Variants in PLCH2 observed in about 807,000 individuals in gnomAD.
PLCH2 encodes 1-phosphatidylinositol 4,5-bisphosphate phosphodiesterase eta-2.
Under a neutral mutation model 134.7 loss-of-function variants are expected in PLCH2, and 98 were observed. That is an observed-to-expected ratio of 0.73 (90% CI 0.62 to 0.86). The LOEUF (loss-of-function observed/expected upper bound fraction) is 0.86, where lower values mean the gene tolerates loss of function less well. PLCH2 is among the 40% of genes least tolerant of loss of function. The pLI, the probability that PLCH2 is intolerant of heterozygous loss-of-function variation, is 0.00. For synonymous variants in PLCH2, 974 were observed against 827.5 expected (o/e 1.18, Z -3.04); for missense variants, 1,994 against 1,986.6 (o/e 1.00, Z -0.07).
chr1:2,419,908 C>T, the PLCH2 span, among the ~76,000 whole-genome samples: 1 of 152,048 alleles, frequency 6.6e-6, no homozygotes, highest in African/African-American at 2.4e-5. Flanking sequence ...ACTGCTGCAC[C>T]TGCTGCCCGT....
rs138457007 is a variant in PLCH2, at chr1:2,448,965, G to A, written c.115+18336G>A. Among the ~76,000 whole-genome samples the A allele has an allele frequency of 2.0e-5, 3 of 152,310 alleles. No individual in the cohort carries two copies. Among genetic ancestry groups the A allele is most frequent in the South Asian group, 2.1e-4 (1 of 4,822 alleles). ...TTGTACGTGGCTCCTTTGCTGGCGC[G>A]GGGAAAGGGCCGTGGGCTTGGGCCC... is the stretch of plus-strand genomic sequence containing the variant. On this transcript the variant is annotated intron_variant, in intron 2 of 3. Coordinates refer to the PLCH2 transcript ENST00000609981. This position sits in a 1 kb window ranked among gnomAD's most constrained non-coding sequence, Gnocchi z 4.0.
rs1216874723 is a variant in PLCH2, at chr1:2,447,299, C to T, written c.115+16670C>T. 2.6e-5 allele frequency among the ~76,000 whole-genome samples: 4 copies of T among 152,314 alleles called. No homozygotes were observed. In the East Asian group the frequency reaches 7.7e-4, roughly 29 times the overall value. On this transcript the variant is annotated intron_variant, in intron 2 of 3. Coordinates refer to the PLCH2 transcript ENST00000609981. The stretch of plus-strand genomic sequence containing the variant: ...CATTTGCTCACCTCACCCGCATCCT[C>T]CAGGACCACTCTGCCTTCAGCTCCT...
chr1:2,437,521 G>A (rs762420370), intron 2 of PLCH2, among the ~76,000 whole-genome samples: 2 of 151,756 alleles, frequency 1.3e-5, no homozygotes, highest in African/African-American at 4.9e-5. Context: ...CCCACCATCC[G>A]ACTCAGCCTG....
chr1:2,449,342 T>C (rs1017649080), intron 2 of PLCH2, among the ~76,000 whole-genome samples: 1 of 151,956 alleles, frequency 6.6e-6, no homozygotes, highest in East Asian at 1.9e-4. Context: ...AATACAAAAA[T>C]TTATCTGTGT....
Position 2,502,395 on chromosome 1 carries a change from G to C in PLCH2, c.2945G>C (p.Ser982Thr), listed in dbSNP as rs1327266091. The stretch of plus-strand genomic sequence containing the variant: ...GCCCCAGCCCAGGAGGGGCCCGGCA[G>C]CGGCAGCCCCCGAGGTAAGGCGCCA... Reference protein sequence around the residue: ...PEAPAQEGPGSGSPRDTRPLS... With the variant: ...PEAPAQEGPGTGSPRDTRPLS... The change falls in exon 21 of 22, where the codon AGC (serine) becomes ACC (threonine). Residue 982 changes from serine to threonine, a missense_variant. Physicochemically the swap from Ser to Thr is moderately conservative, Grantham distance 58. Coordinates refer to ENST00000378486, the MANE Select transcript of PLCH2 (RefSeq NM_014638.4). 2.6e-6 allele frequency: 4 copies of C among 1,543,684 alleles called. No homozygotes were observed. The highest frequency in any genetic ancestry group is 2.6e-6 in the Non-Finnish European group (3 of 1,145,650).
chr1:2,441,327 G>A (rs149731029), intron 2 of PLCH2, among the ~76,000 whole-genome samples: 12 of 152,354 alleles, frequency 7.9e-5, no homozygotes, highest in African/African-American at 2.2e-4. Context: ...AGCAGGCGTC[G>A]CATCCGGCCT....
At chr1:2,464,968 G>A (rs1640988047), upstream of PLCH2, among the ~76,000 whole-genome samples, 1 of 152,206 alleles carries the variant, frequency 6.6e-6, no homozygotes, top group African/African-American at 2.4e-5. Flanking sequence ...CTGAGGCTGG[G>A]CTTGGTGTCA....
chr1:2,466,580 G>A (rs1232729858), upstream of PLCH2, among the ~76,000 whole-genome samples: 1 of 152,246 alleles, frequency 6.6e-6, no homozygotes, highest in African/African-American at 2.4e-5. Flanking sequence ...TCCTGCCCGG[G>A]CCTGCGTGCC....
At chr1:2,459,908 C>T (rs571770908) in intron 2 of PLCH2, among the ~76,000 whole-genome samples, 10 of 152,374 alleles carry the variant, frequency 6.6e-5, no homozygotes, top group East Asian at 5.8e-4. Flanking sequence ...TCCTTGGCAC[C>T]GTGAGGGGCC....
intron 1 of PLCH2, 132 bp downstream of exon 1, chr1:2,476,844 C>A: frequency 1.0e-6 from 1 of 977,814 alleles, no homozygotes; most frequent in Non-Finnish European, 1.4e-6. Context: ...CCCTGTCCCC[C>A]GGGTGCTCTA....
At chr1:2,491,422 C>G in intron 11 of PLCH2, 87 bp downstream of exon 11, 2 of 1,390,924 alleles carry the variant, frequency 1.4e-6, no homozygotes, top group Non-Finnish European at 2.0e-6. Context: ...CGAACGTATG[C>G]TCTGTGCGCA....
upstream of PLCH2, among the ~76,000 whole-genome samples, chr1:2,423,169 T>TTTTG (rs141556777): frequency 1.5e-4 from 22 of 151,576 alleles, no homozygotes; most frequent in Non-Finnish European, 7.4e-5. Flanking sequence ...TATTTAGTTT[T>TTTTG]TTTGTTTGTT....
chr1:2,427,605 C>T (rs934250183), intron 1 of PLCH2, among the ~76,000 whole-genome samples: 1 of 152,174 alleles, frequency 6.6e-6, no homozygotes, highest in Non-Finnish European at 1.5e-5. Context: ...GGGTGTGGCA[C>T]CCCACTTCCT....
At chr1:2,454,897 C>A (rs1286873040) in intron 2 of PLCH2, among the ~76,000 whole-genome samples, 2 of 152,156 alleles carry the variant, frequency 1.3e-5, no homozygotes, top group Non-Finnish European at 2.9e-5. Context: ...CCCCTTGGAG[C>A]CCTCTCACTG....
intron 2 of PLCH2, among the ~76,000 whole-genome samples, chr1:2,461,121 G>C (rs945726970): frequency 6.6e-6 from 1 of 152,228 alleles, no homozygotes; most frequent in African/African-American, 2.4e-5. Flanking sequence ...GGTGGCCATG[G>C]GGCAGTGTTC....
chr1:2,503,600 C>T (rs1489181140), intron 21 of PLCH2: 2 of 695,266 alleles, frequency 2.9e-6, no homozygotes, highest in Admixed American at 2.0e-5. Context: ...CTGCCCCCAC[C>T]CACGCTGCCT....
intron 13 of PLCH2, among the ~76,000 whole-genome samples, chr1:2,496,406 C>T (rs1642885918): frequency 6.6e-6 from 1 of 152,216 alleles, no homozygotes; most frequent in African/African-American, 2.4e-5. Flanking sequence ...TTTGCACCTG[C>T]TGGTAGCTCC....
chr1:2,495,127 G>A (rs926686199), intron 12 of PLCH2, among the ~76,000 whole-genome samples, 179 bp downstream of exon 12: 1 of 152,196 alleles, frequency 6.6e-6, no homozygotes. Flanking sequence ...TTCCCAGCCT[G>A]GCTCACAGGA....
chr1:2,497,890 T>G, intron 16 of PLCH2: 1 of 412,452 alleles, frequency 2.4e-6, no homozygotes, highest in Non-Finnish European at 4.4e-6. Context: ...ATGGCAGGAC[T>G]TGTCTGAGGG....
Sources: allele counts gnomAD v4.1 joint callset (sites outside exome capture counted in the v4.1 genomes callset), GRCh38; gene constraint gnomAD v4.1.1; non-coding constraint Gnocchi (gnomAD v3.1); transcripts MANE v1.5; gene names NCBI Gene and HGNC (gene_info 2026-07-23, HGNC 2026-07-21).